CSMD1: variants seen among roughly 807,000 people sequenced by gnomAD.
CSMD1 encodes the protein CUB and sushi domain-containing protein 1.
A neutral mutation model predicts 417.5 loss-of-function variants in CSMD1; 213 were observed. The observed-to-expected ratio is 0.51, with a 90% confidence interval of 0.46 to 0.57. The LOEUF (loss-of-function observed/expected upper bound fraction) is 0.57. Among genes scored for constraint, CSMD1 ranks in the 20% least tolerant of loss-of-function variants. CSMD1 has a pLI of 0.00. For missense variants in CSMD1, 6,923 were observed against 4,529.7 expected, an observed-to-expected ratio of 1.53 and a Z score of -15.17; for synonymous variants, 2,862 against 1,736.8, an observed-to-expected ratio of 1.65 and a Z score of -16.11.
chr8:3,315,937 G>T (rs566725168), intron 23 of CSMD1, among the ~76,000 whole-genome samples: 1 of 152,222 alleles, frequency 6.6e-6, no homozygotes, highest in African/African-American at 2.4e-5. Flanking sequence ...CTTTGATCTT[G>T]TGCAGAGCTT....
chr8:4,780,249 G>A (rs1797084833), intron 1 of CSMD1, among the ~76,000 whole-genome samples: 1 of 152,200 alleles, frequency 6.6e-6, no homozygotes, highest in African/African-American at 2.4e-5. Context: ...CTGCCCTGAA[G>A]GTGTGCAGAT....
intron 46 of CSMD1, among the ~76,000 whole-genome samples, chr8:3,104,944 G>A (rs1377997870): frequency 6.6e-6 from 1 of 152,100 alleles, no homozygotes; most frequent in African/African-American, 2.4e-5. Flanking sequence ...AGCCTCAGGT[G>A]ATCCACCCAC....
At chr8:3,343,192 G>A (rs558602931) in intron 23 of CSMD1, 102 bp downstream of exon 23, 4 of 977,076 alleles carry the variant, frequency 4.1e-6, no homozygotes, top group South Asian at 3.1e-5. Flanking sequence ...AACACAGTAG[G>A]CAGCCAGAAA....
chr8:3,396,505 T>A lies in CSMD1; in HGVS notation c.2406-124A>T, dbSNP rs946749562. On this transcript the variant is annotated intron_variant, in intron 16 of 69. Transcript: ENST00000635120. ...TTAACATGAAGAAAATAGTTGAAAT[T>A]ACATATGCTTAAAACTTGGGTACAA... 1.5e-5 allele frequency: 10 copies of A among 649,154 alleles called. No individual in the cohort carries two copies. The Admixed American group carries it at 3.4e-4, about 22-fold the overall frequency. The allele number at this position is 649,154 out of a possible 1,614,324, so 40.2% of individuals were successfully genotyped here.
At chr8:3,198,292 TC>T (rs772695697) in intron 33 of CSMD1, among the ~76,000 whole-genome samples, 25 of 152,330 alleles carry the variant, frequency 1.6e-4, no homozygotes, top group Admixed American at 4.6e-4. Flanking sequence ...CTTTAGTGTT[TC>T]CAGGAGAAAA....
chr8:3,380,036 C>CA (rs1294244325), intron 18 of CSMD1, among the ~76,000 whole-genome samples: 1 of 151,960 alleles, frequency 6.6e-6, no homozygotes, highest in Non-Finnish European at 1.5e-5. Context: ...AGAACTTGAA[C>CA]AAATTTACAA....
chr8:4,759,826 G>T (rs189289167), intron 1 of CSMD1, among the ~76,000 whole-genome samples: 1 of 152,102 alleles, frequency 6.6e-6, no homozygotes, highest in Non-Finnish European at 1.5e-5. Context: ...TGGACATTTG[G>T]GTTGATTCCA....
intron 1 of CSMD1, among the ~76,000 whole-genome samples, chr8:4,868,973 CA>C (rs564055301): frequency 8.5e-4 from 129 of 151,822 alleles, no homozygotes; most frequent in Non-Finnish European, 1.5e-3. Context: ...CAGAGACATA[CA>C]AATAGAATAG....
At chr8:3,244,371 C>T (rs745435668) in intron 26 of CSMD1, among the ~76,000 whole-genome samples, 10 of 152,104 alleles carry the variant, frequency 6.6e-5, no homozygotes, top group South Asian at 4.2e-4. Flanking sequence ...AAACCTAGGA[C>T]GTGTCCTCCC....
At chr8:3,180,394 G>C (rs1198195976) in intron 37 of CSMD1, among the ~76,000 whole-genome samples, 2 of 152,156 alleles carry the variant, frequency 1.3e-5, no homozygotes, top group Non-Finnish European at 2.9e-5. Flanking sequence ...CTGCCTTTGA[G>C]ACTAGAAACA....
chr8:4,963,878 C>G (rs1644540812), intron 1 of CSMD1, among the ~76,000 whole-genome samples: 1 of 152,056 alleles, frequency 6.6e-6, no homozygotes, highest in African/African-American at 2.4e-5. Context: ...ATAGAAATAC[C>G]TCCACTTTCC....
intron 2 of CSMD1, among the ~76,000 whole-genome samples, chr8:4,551,886 C>T (rs988033913): frequency 2.7e-5 from 4 of 148,542 alleles, no homozygotes; most frequent in African/African-American, 7.5e-5. Flanking sequence ...TGGGGTATCA[C>T]CATGTTGCTC....
intron 1 of CSMD1, among the ~76,000 whole-genome samples, chr8:4,898,123 T>G (rs10081492): frequency 0.12 from 18,465 of 152,090 alleles, 1,386 homozygotes; most frequent in Middle Eastern, 0.19. Context: ...TAAATAAATA[T>G]TGCCCATATA....
At position 3,468,807 on chromosome 8, in the gene CSMD1, A is replaced by G. The variant is rs750300753; in HGVS notation, c.1466T>C (p.Val489Ala). The G allele has an allele frequency of 3.1e-6, 5 of 1,599,556 alleles. No homozygotes were observed. Among genetic ancestry groups the G allele is most frequent in the Non-Finnish European group, 4.3e-6 (5 of 1,172,900 alleles). The change falls in exon 12 of 70, where the codon GTT (valine) becomes GCT (alanine). Residue 489 changes from valine to alanine, a missense_variant. Coordinates refer to ENST00000635120, the MANE Select transcript of CSMD1 (RefSeq NM_033225.6). ...SVLYVLTGSSVPDLIVSMSNQ... is the reference protein window; with the variant it reads ...SVLYVLTGSSAPDLIVSMSNQ... ...GCTCATGCTCACAATGAGGTCAGGAACACTGGATCCCGTGAGCCTGCAAGA... is the reference window on the plus strand; with the variant it reads ...GCTCATGCTCACAATGAGGTCAGGAGCACTGGATCCCGTGAGCCTGCAAGA...
intron 69 of CSMD1, among the ~76,000 whole-genome samples, chr8:2,939,993 A>G (rs926163899): frequency 6.6e-6 from 1 of 152,192 alleles, no homozygotes; most frequent in African/African-American, 2.4e-5. Context: ...GTGCAGCTGC[A>G]CCCGGCAGAA....
chr8:3,581,561 A>C (rs1220653350), intron 9 of CSMD1, among the ~76,000 whole-genome samples: 1 of 152,154 alleles, frequency 6.6e-6, no homozygotes, highest in Non-Finnish European at 1.5e-5. Flanking sequence ...AGAAGGCATG[A>C]TCATTACTTC....
chr8:4,629,168 A>G (rs1802352417), intron 2 of CSMD1, among the ~76,000 whole-genome samples: 1 of 152,240 alleles, frequency 6.6e-6, no homozygotes, highest in African/African-American at 2.4e-5. Flanking sequence ...ATTTGAATGC[A>G]TATTTGTAGA....
At chr8:3,933,120 A>G (rs1467020702) in intron 5 of CSMD1, among the ~76,000 whole-genome samples, 3 of 140,194 alleles carry the variant, frequency 2.1e-5, no homozygotes, top group Admixed American at 6.9e-5. Context: ...TCTGGTTTAT[A>G]TATTTTGATT....
chr8:3,678,557 C>T (rs1284463483), intron 7 of CSMD1, among the ~76,000 whole-genome samples: 1 of 152,154 alleles, frequency 6.6e-6, no homozygotes, highest in Non-Finnish European at 1.5e-5. Flanking sequence ...AAATCTATGT[C>T]TGATTGGTGT....
Sources: gnomAD v4.1 joint callset for allele counts (sites outside exome capture counted in the v4.1 genomes callset) on GRCh38, gnomAD v4.1.1 for gene constraint, MANE v1.5 for transcripts, NCBI Gene and HGNC (gene_info 2026-07-23, HGNC 2026-07-21) for gene names.